The following PEX5L variants were observed in gnomAD, a reference collection of about 807,000 sequenced individuals.
The protein encoded by PEX5L is PEX5-related protein.
A neutral mutation model predicts 84.0 loss-of-function variants in PEX5L; 30 were observed. The observed-to-expected ratio is 0.36, with a 90% confidence interval of 0.27 to 0.48. PEX5L has a LOEUF of 0.48. PEX5L is among the 20% of genes least tolerant of loss of function. The pLI is 0.99. For synonymous variants in PEX5L, 270 were observed against 283.1 expected (o/e 0.95, Z 0.46); for missense variants, 533 against 754.6 (o/e 0.71, Z 3.44).
At chr3:179,856,651 C>T (rs550033523) in intron 8 of PEX5L, among the ~76,000 whole-genome samples, 1 of 152,162 alleles carries the variant, frequency 6.6e-6, no homozygotes. Flanking sequence ...GATTTACCAT[C>T]AGCTTAATGT....
intron 7 of PEX5L, among the ~76,000 whole-genome samples, 195 bp downstream of exon 7, chr3:179,874,132 C>CATATAT (rs10641654): frequency 9.4e-5 from 14 of 149,614 alleles, no homozygotes; most frequent in Admixed American, 2.7e-4. Flanking sequence ...TGTAGATATA[C>CATATAT]ATATATATAT....
At chr3:179,861,244 T>C (rs1015846442) in intron 7 of PEX5L, among the ~76,000 whole-genome samples, 4 of 152,220 alleles carry the variant, frequency 2.6e-5, no homozygotes, top group Non-Finnish European at 5.9e-5. Flanking sequence ...GATGCGTGAA[T>C]GAATTAAAGA....
At chr3:179,850,334 T>C (rs761704389) in intron 8 of PEX5L, among the ~76,000 whole-genome samples, 7 of 151,676 alleles carry the variant, frequency 4.6e-5, no homozygotes, top group Non-Finnish European at 1.0e-4. Flanking sequence ...ACCATGTTGG[T>C]CAGGCTGGTC....
intron 1 of PEX5L, among the ~76,000 whole-genome samples, chr3:180,033,521 A>T (rs1328289207): frequency 6.6e-6 from 1 of 152,236 alleles, no homozygotes; most frequent in Non-Finnish European, 1.5e-5. Context: ...TTAAGAAAAC[A>T]TTGAGAGACA....
chr3:179,989,436 CTTTTA>C (rs1787180679), intron 1 of PEX5L, among the ~76,000 whole-genome samples: 1 of 152,104 alleles, frequency 6.6e-6, no homozygotes, highest in Admixed American at 6.5e-5. Flanking sequence ...GGGATTTCCT[CTTTTA>C]TTTTTAGTAG....
chr3:179,801,444 C>G lies in PEX5L; in HGVS notation c.*384G>C, dbSNP rs2108649415. ...ACAGTCAGAATTTCCCAATCTGAGG[C>G]AGTGCTTTTTCCATGTTTCCCATGA... On this transcript the variant is annotated 3_prime_UTR_variant, in exon 15 of 15. Coordinates refer to ENST00000467460, the MANE Select transcript of PEX5L (RefSeq NM_016559.3). 4.9e-6 allele frequency: 1 copy of G among 205,308 alleles called. No homozygotes were observed. The highest frequency in any genetic ancestry group is 1.1e-4 in the East Asian group (1 of 9,044). The allele number at this position is 205,308 out of a possible 1,614,324, so 12.7% of individuals were successfully genotyped here.
At chr3:180,032,218 C>T (rs1185656934) in intron 1 of PEX5L, among the ~76,000 whole-genome samples, 1 of 152,186 alleles carries the variant, frequency 6.6e-6, no homozygotes, top group Non-Finnish European at 1.5e-5. Context: ...CTTAAATGTA[C>T]ATGAATTTGC....
chr3:180,000,122 G>A (rs1405804707), intron 1 of PEX5L, among the ~76,000 whole-genome samples: 2 of 152,086 alleles, frequency 1.3e-5, no homozygotes, highest in Non-Finnish European at 2.9e-5. Context: ...ATGACATTAC[G>A]TTCTTCTGGC....
intron 2 of PEX5L, among the ~76,000 whole-genome samples, chr3:179,942,356 T>C (rs1467796639): frequency 6.6e-6 from 1 of 152,234 alleles, no homozygotes; most frequent in Non-Finnish European, 1.5e-5. Context: ...CCGATGTCCC[T>C]CTCGCGGCTG....
intron 8 of PEX5L, among the ~76,000 whole-genome samples, chr3:179,829,133 AAC>A (rs894641703): frequency 6.6e-5 from 10 of 152,328 alleles, no homozygotes; most frequent in African/African-American, 2.4e-4. Flanking sequence ...AAAAAATGAA[AAC>A]AGTTAATTTA....
intron 1 of PEX5L, among the ~76,000 whole-genome samples, chr3:179,993,228 C>A (rs780159498): frequency 1.3e-5 from 2 of 152,058 alleles, no homozygotes; most frequent in African/African-American, 2.4e-5. Context: ...AATTTGAGCA[C>A]GTAATTAATA....
At chr3:179,807,464 A>C (rs1721774102) in intron 14 of PEX5L, among the ~76,000 whole-genome samples, 1 of 152,218 alleles carries the variant, frequency 6.6e-6, no homozygotes, top group Admixed American at 6.5e-5. Context: ...ATGCGGAGCC[A>C]ACTGCTGCTC....
At chr3:179,910,778 T>A (rs1764899866) in intron 2 of PEX5L, among the ~76,000 whole-genome samples, 1 of 152,234 alleles carries the variant, frequency 6.6e-6, no homozygotes, top group South Asian at 2.1e-4. Context: ...GTTTCCCTTT[T>A]TCTAATCACC....
intron 10 of PEX5L, among the ~76,000 whole-genome samples, chr3:179,813,839 G>A (rs1156752700): frequency 2.6e-5 from 4 of 151,926 alleles, no homozygotes; most frequent in African/African-American, 9.7e-5. Context: ...ACCGCGCCCG[G>A]CTAATTTTTT....
At position 179,900,794 on chromosome 3, in the gene PEX5L, C is replaced by A. The variant is rs1761038288; in HGVS notation, c.94-2548G>T. ...CTGCTAGCAACTTTTTTCTTTACAGCCTTTTTTGGCTTTTGCGATAATACC... is the reference window on the plus strand; with the variant it reads ...CTGCTAGCAACTTTTTTCTTTACAGACTTTTTTGGCTTTTGCGATAATACC... On this transcript the variant is annotated intron_variant, in intron 2 of 14. Coordinates refer to ENST00000467460, the MANE Select transcript of PEX5L (RefSeq NM_016559.3). 4.1e-6 allele frequency: 5 copies of A among 1,220,430 alleles called. No individual in the cohort carries two copies. The South Asian group carries it at 5.2e-5, about 13-fold the overall frequency. The allele number at this position is 1,220,430 out of a possible 1,614,324, so 75.6% of individuals were successfully genotyped here. A position where few individuals can be genotyped will look rare whatever the true frequency, so the allele number is the denominator to read the frequency against.
chr3:180,023,974 T>G (rs1336266679), intron 1 of PEX5L, among the ~76,000 whole-genome samples: 1 of 152,108 alleles, frequency 6.6e-6, no homozygotes, highest in Non-Finnish European at 1.5e-5. Flanking sequence ...GGGGCACTAT[T>G]CAGGTCTGAA....
intron 8 of PEX5L, among the ~76,000 whole-genome samples, chr3:179,854,819 T>C (rs78492324): frequency 0.034 from 5,129 of 152,226 alleles, 282 homozygotes; most frequent in African/African-American, 0.12. Flanking sequence ...CCTTTTCTCA[T>C]GGAGGCTACA....
At chr3:179,983,694 G>A (rs538649232) in intron 1 of PEX5L, among the ~76,000 whole-genome samples, 4 of 151,736 alleles carry the variant, frequency 2.6e-5, no homozygotes, top group Non-Finnish European at 4.4e-5. Flanking sequence ...CTTTTTTCCT[G>A]AAAATTAATG....
At chr3:179,846,863 C>T (rs944116598) in intron 8 of PEX5L, among the ~76,000 whole-genome samples, 12 of 152,052 alleles carry the variant, frequency 7.9e-5, no homozygotes, top group Non-Finnish European at 1.2e-4. Context: ...TCAGTCAGAC[C>T]TTTGGACTCA....
Sources: allele counts gnomAD v4.1 joint callset (sites outside exome capture counted in the v4.1 genomes callset), GRCh38; gene constraint gnomAD v4.1.1; transcripts MANE v1.5; gene names NCBI Gene and HGNC (gene_info 2026-07-23, HGNC 2026-07-21).